PTBP3: variants seen among roughly 807,000 people sequenced by gnomAD.
PTBP3 encodes polypyrimidine tract binding protein 3.
In PTBP3, 20 loss-of-function variants were observed where a neutral mutation model predicts 58.7. That is an observed-to-expected ratio of 0.34 (90% CI 0.24 to 0.50). PTBP3 has a LOEUF of 0.50. Among genes scored for constraint, PTBP3 ranks in the 20% least tolerant of loss-of-function variants. The pLI, the probability that PTBP3 is intolerant of heterozygous loss-of-function variation, is 0.98. For synonymous variants in PTBP3, 185 were observed against 219.8 expected, an observed-to-expected ratio of 0.84 and a Z score of 1.40; for missense variants, 509 against 637.2, an observed-to-expected ratio of 0.80 and a Z score of 2.17.
At position 112,223,827 on chromosome 9, in the gene PTBP3, T is replaced by G; in HGVS notation, c.*24A>C. 6.2e-7 allele frequency: 1 copy of G among 1,613,412 alleles called. No homozygotes were observed. The highest frequency in any genetic ancestry group is 8.5e-7 in the Non-Finnish European group (1 of 1,179,636). ...GTTTTACTGAAATTATGGTCCAGTT[T>G]TAGGAGAAAAATTCACAGAAAAGTC... On this transcript the variant is annotated 3_prime_UTR_variant, in exon 14 of 14. Transcript: ENST00000374257.
chr9:112,334,692 T>G (rs1285590849), upstream of PTBP3, among the ~76,000 whole-genome samples: 1 of 152,226 alleles, frequency 6.6e-6, no homozygotes, highest in Non-Finnish European at 1.5e-5. Context: ...GCTAATTTCC[T>G]GCTTTCAGAT....
chr9:112,302,381 T>G (rs1042707541), intron 1 of PTBP3, among the ~76,000 whole-genome samples: 1 of 151,922 alleles, frequency 6.6e-6, no homozygotes, highest in South Asian at 2.1e-4. Flanking sequence ...CTTTCTACCA[T>G]CCAAACAAGT....
chr9:112,253,513 A>AGTAACTCAT, intron 5 of PTBP3, among the ~76,000 whole-genome samples: 1 of 152,234 alleles, frequency 6.6e-6, no homozygotes, highest in South Asian at 2.1e-4. Flanking sequence ...TACTATTAAT[A>AGTAACTCAT]GTAACTCATT....
chr9:112,232,655 T>C (rs762529563), intron 8 of PTBP3, among the ~76,000 whole-genome samples: 1 of 152,180 alleles, frequency 6.6e-6, no homozygotes, highest in Non-Finnish European at 1.5e-5. Context: ...CAGCAGAAAG[T>C]CAAAAACATG....
At chr9:112,226,511 A>AT (rs983119774) in intron 12 of PTBP3, among the ~76,000 whole-genome samples, 1 of 152,208 alleles carries the variant, frequency 6.6e-6, no homozygotes. Context: ...CAAAACTGCC[A>AT]TTTTTTTGTT....
At chr9:112,256,236 AAGAG>A (rs1233331751) in intron 5 of PTBP3, among the ~76,000 whole-genome samples, 107 of 145,062 alleles carry the variant, frequency 7.4e-4, no homozygotes, top group Admixed American at 9.1e-4. Flanking sequence ...CCTGGGCAAC[AAGAG>A]AGAAACTCCG....
intron 1 of PTBP3, among the ~76,000 whole-genome samples, chr9:112,305,986 T>G (rs909984480): frequency 6.6e-6 from 1 of 151,994 alleles, no homozygotes; most frequent in African/African-American, 2.4e-5. Context: ...TTTCAGTGAC[T>G]TCTGTGAGTC....
intron 2 of PTBP3, among the ~76,000 whole-genome samples, chr9:112,290,697 T>TACACACACACAC (rs1212533738): frequency 1.7e-3 from 107 of 62,052 alleles, no homozygotes; most frequent in Middle Eastern, 8.3e-3. Context: ...AATATATATA[T>TACACACACACAC]ATATATATAT....
chr9:112,363,980 G>C, the PTBP3 span, among the ~76,000 whole-genome samples: 1 of 152,014 alleles, frequency 6.6e-6, no homozygotes, highest in African/African-American at 2.4e-5. Context: ...AAAATCTTCT[G>C]ATCTCTGCCT....
rs1834806379 is a variant in PTBP3 at position 112,221,542 on chromosome 9, G to C, written c.*2309C>G. 9.1e-6 allele frequency: 9 copies of C among 985,432 alleles called. No individual in the cohort carries two copies. Among genetic ancestry groups the C allele is most frequent in the Non-Finnish European group, 1.1e-5 (9 of 829,880 alleles). 61.0% of individuals were successfully genotyped at this position (985,432 alleles called of 1,614,324 possible). A position where few individuals can be genotyped will look rare whatever the true frequency, so the allele number is the denominator to read the frequency against. ...TGAAAATTATAATAGTGCCTGTGTG[G>C]AAGGGAAAAAAAAGCAAGTTTTGGG... On this transcript the variant is annotated 3_prime_UTR_variant, in exon 14 of 14. Transcript: ENST00000374257.
the PTBP3 span, among the ~76,000 whole-genome samples, chr9:112,374,554 T>C: frequency 6.6e-5 from 10 of 152,244 alleles, no homozygotes; most frequent in Admixed American, 6.5e-4. Flanking sequence ...ACCTAGTTGG[T>C]GTTGTAATTG....
intron 7 of PTBP3, among the ~76,000 whole-genome samples, chr9:112,241,524 T>C (rs180763162): frequency 3.3e-5 from 5 of 152,208 alleles, no homozygotes; most frequent in Non-Finnish European, 5.9e-5. Context: ...ATTTTTACTG[T>C]ACCCTTTCTA....
intron 1 of PTBP3, chr9:112,332,882 A>T: frequency 6.2e-7 from 1 of 1,607,386 alleles, no homozygotes; most frequent in South Asian, 1.1e-5. Flanking sequence ...AGAAAGCGTT[A>T]ACGTATCTCA....
the PTBP3 span, among the ~76,000 whole-genome samples, chr9:112,362,311 G>C: frequency 2.6e-5 from 4 of 152,092 alleles, no homozygotes; most frequent in Admixed American, 1.3e-4. Flanking sequence ...AAAAGGAAAA[G>C]AAAAAATATC....
chr9:112,355,626 T>C, the PTBP3 span, among the ~76,000 whole-genome samples: 3,124 of 149,304 alleles, frequency 0.021, 54 homozygotes, highest in African/African-American at 0.049. Flanking sequence ...TTTTTCTTTT[T>C]TTTTTTTTTT....
At chr9:112,355,755 G>A in the PTBP3 span, among the ~76,000 whole-genome samples, 1 of 150,752 alleles carries the variant, frequency 6.6e-6, no homozygotes, top group African/African-American at 2.4e-5. Context: ...GAGTAGTTGT[G>A]ATTACAGGCA....
intron 1 of PTBP3, among the ~76,000 whole-genome samples, chr9:112,316,424 C>G (rs1829704567): frequency 6.6e-6 from 1 of 152,132 alleles, no homozygotes. Context: ...TCCAGTAAGG[C>G]CTTTAGCTCA....
At chr9:112,339,290 C>CAAAAAAAAAAAAAAAAAAAAAAAAA in the PTBP3 span, among the ~76,000 whole-genome samples, 1 of 71,714 alleles carries the variant, frequency 1.4e-5, no homozygotes. Context: ...GACTCTGTCT[C>CAAAAAAAAAAAAAAAAAAAAAAAAA]AAAAAAAAAA....
rs1834803293 is a variant in PTBP3, at chr9:112,221,442, G to A, written c.*2409C>T. ...TTGCTACACTTATGCTGAATGTTAT[G>A]AGAATCATGAATTAATAAATTACAC... is the stretch of plus-strand genomic sequence containing the variant. On this transcript the variant is annotated 3_prime_UTR_variant, in exon 14 of 14. Transcript: ENST00000374257. 6 of 985,538 alleles carry A rather than the reference G, an allele frequency of 6.1e-6. No homozygotes were observed. The highest frequency in any genetic ancestry group is 7.2e-6 in the Non-Finnish European group (6 of 829,730). The allele number at this position is 985,538 out of a possible 1,614,324, so 61.0% of individuals were successfully genotyped here.
Sources: allele counts gnomAD v4.1 joint callset (sites outside exome capture counted in the v4.1 genomes callset), GRCh38; gene constraint gnomAD v4.1.1; transcripts MANE v1.5; gene names NCBI Gene and HGNC (gene_info 2026-07-23, HGNC 2026-07-21).